Variants in IGFL2 observed in about 807,000 individuals in gnomAD.
IGFL2 encodes the protein IGF like family member 2.
A neutral mutation model predicts 13.9 loss-of-function variants in IGFL2; 7 were observed. That is an observed-to-expected ratio of 0.51 (90% confidence interval 0.29 to 0.95). IGFL2 has a LOEUF of 0.95. Ranked by LOEUF, IGFL2 falls within the 40% of genes least tolerant of loss-of-function variation. The pLI is 0.08. For synonymous variants in IGFL2, 55 were observed against 55.8 expected, an observed-to-expected ratio of 0.99 and a Z score of 0.07; for missense variants, 138 against 147.8, an observed-to-expected ratio of 0.93 and a Z score of 0.34.
At chr19:46,137,622 G>T in the IGFL2 span, 1 of 892,484 alleles carries the variant, frequency 1.1e-6, no homozygotes, top group South Asian at 1.3e-5. Flanking sequence ...CAGTGCAGAG[G>T]AGCAGGACCC....
the IGFL2 span, among the ~76,000 whole-genome samples, chr19:46,097,157 G>T: frequency 6.6e-6 from 1 of 152,014 alleles, no homozygotes; most frequent in African/African-American, 2.4e-5. Context: ...GGCTTTTTTT[G>T]GTTGGTAGAC....
chr19:46,137,073 G>A, the IGFL2 span: 51 of 1,600,968 alleles, frequency 3.2e-5, 1 homozygote, highest in South Asian at 5.4e-4. Flanking sequence ...ACTGATCCTG[G>A]GGAAGACGGC....
At chr19:46,200,511 C>T in the IGFL2 span, among the ~76,000 whole-genome samples, 41 of 78,552 alleles carry the variant, frequency 5.2e-4, no homozygotes, top group Middle Eastern at 6.6e-3. Flanking sequence ...TTTCTTTTCT[C>T]TTTTCTTTTC....
chr19:46,200,104 G>A, the IGFL2 span, among the ~76,000 whole-genome samples: 7 of 151,978 alleles, frequency 4.6e-5, no homozygotes, highest in Non-Finnish European at 5.9e-5. Context: ...TGTCCACCTC[G>A]GCCTCCCAAA....
chr19:46,140,437 G>A (rs189982961), upstream of IGFL2, among the ~76,000 whole-genome samples: 15 of 152,270 alleles, frequency 9.9e-5, no homozygotes, highest in Non-Finnish European at 1.8e-4. Context: ...CAAATACTCA[G>A]GAGGCTAAGG....
chr19:46,208,550 TATAA>T, the IGFL2 span: 1 of 152,236 alleles, frequency 6.6e-6, no homozygotes, highest in African/African-American at 2.4e-5. Flanking sequence ...TGCATTCTTA[TATAA>T]TTTGGCTCTG....
upstream of IGFL2, among the ~76,000 whole-genome samples, chr19:46,144,155 A>G (rs1220273100): frequency 2.0e-5 from 3 of 152,256 alleles, no homozygotes. Context: ...ATTGTAGTGA[A>G]GAAGCATGAA....
chr19:46,140,243 GC>G (rs1972798874), upstream of IGFL2, among the ~76,000 whole-genome samples: 2 of 65,100 alleles, frequency 3.1e-5, no homozygotes, highest in Admixed American at 1.3e-4. Flanking sequence ...ACCACGCCCA[GC>G]CTATATATAT....
At chr19:46,141,144 C>CT (rs1240115038), upstream of IGFL2, among the ~76,000 whole-genome samples, 3 of 152,302 alleles carry the variant, frequency 2.0e-5, no homozygotes, top group African/African-American at 7.2e-5. Flanking sequence ...AACCTTACCT[C>CT]TATCTTCCAA....
the IGFL2 span, among the ~76,000 whole-genome samples, chr19:46,101,587 C>T: frequency 1.3e-5 from 2 of 152,254 alleles, no homozygotes; most frequent in South Asian, 2.1e-4. Flanking sequence ...AGGGGAAAAA[C>T]GGCAGCCCCG....
the IGFL2 span, chr19:46,124,588 G>T: frequency 6.3e-7 from 1 of 1,579,726 alleles, no homozygotes; most frequent in Non-Finnish European, 8.7e-7. Context: ...CACTGGGAAT[G>T]AGATGAGATG....
chr19:46,201,972 G>A, the IGFL2 span, among the ~76,000 whole-genome samples: 2 of 152,114 alleles, frequency 1.3e-5, no homozygotes, highest in Non-Finnish European at 2.9e-5. Flanking sequence ...GTGAGTGGGG[G>A]AGGCGATAGA....
chr19:46,144,859 A>G (rs1973036269), upstream of IGFL2, among the ~76,000 whole-genome samples: 1 of 152,160 alleles, frequency 6.6e-6, no homozygotes. Context: ...GTCACAGGAA[A>G]GGCTAAGTTG....
At chr19:46,114,445 G>T in the IGFL2 span, among the ~76,000 whole-genome samples, 1 of 152,158 alleles carries the variant, frequency 6.6e-6, no homozygotes, top group South Asian at 2.1e-4. Context: ...TATTTGGTTA[G>T]TCTTTGTTTT....
chr19:46,084,366 A>T, the IGFL2 span, among the ~76,000 whole-genome samples: 3 of 152,104 alleles, frequency 2.0e-5, no homozygotes, highest in African/African-American at 7.2e-5. Flanking sequence ...TGTCTGGTTG[A>T]TCTGTCCATT....
downstream of IGFL2, chr19:46,161,405 GCT>G (rs1181018640): frequency 8.1e-6 from 2 of 248,356 alleles, no homozygotes; most frequent in Non-Finnish European, 1.5e-5. Context: ...ACTCAGTTCT[GCT>G]GAAACAAAAG....
chr19:46,150,909 C>T lies in IGFL2; in HGVS notation c.19+2612C>T, dbSNP rs138646112. Among the ~76,000 whole-genome samples the T allele has an allele frequency of 1.7e-3, 255 of 152,314 alleles. 4 individuals are homozygous for T. In the East Asian group the frequency reaches 0.039, roughly 23 times the overall value. The stretch of plus-strand genomic sequence containing the variant: ...CTCCAACTTGTAGGCTCAAGCAACC[C>T]TCCTCCTTGGCCTCCCAAAGTGCTG... On this transcript the variant is annotated intron_variant, in intron 1 of 3. Transcript: ENST00000377693.
chr19:46,180,886 C>T, the IGFL2 span, among the ~76,000 whole-genome samples: 1 of 152,166 alleles, frequency 6.6e-6, no homozygotes, highest in African/African-American at 2.4e-5. Context: ...TGACTCATTC[C>T]GTTTTCTTTG....
chr19:46,098,260 CTTCT>C, the IGFL2 span, among the ~76,000 whole-genome samples: 1 of 152,126 alleles, frequency 6.6e-6, no homozygotes, highest in South Asian at 2.1e-4. Context: ...ATGTAATGCC[CTTCT>C]TTGTCTTTTT....
Sources: gnomAD v4.1 joint callset for allele counts (sites outside exome capture counted in the v4.1 genomes callset) on GRCh38, gnomAD v4.1.1 for gene constraint, MANE v1.5 for transcripts, NCBI Gene and HGNC (gene_info 2026-07-23, HGNC 2026-07-21) for gene names.